MAP2K2: variants seen among roughly 807,000 people sequenced by gnomAD.
The protein encoded by MAP2K2 is dual specificity mitogen-activated protein kinase kinase 2.
Under a neutral mutation model 43.7 loss-of-function variants are expected in MAP2K2, and 24 were observed. The observed-to-expected ratio is 0.55, with a 90% CI of 0.40 to 0.77. The LOEUF is 0.77. Ranked by LOEUF, MAP2K2 falls within the 30% of genes least tolerant of loss-of-function variation. The probability of loss-of-function intolerance (pLI) is 0.00; values close to 1 mark genes in which losing one functional copy is unlikely to be tolerated. For missense variants in MAP2K2, 470 were observed against 566.8 expected (o/e 0.83, Z 1.73); for synonymous variants, 244 against 239.7 (o/e 1.02, Z -0.17).
chr19:4,095,331 G>A lies in MAP2K2; in HGVS notation c.1046+57C>T, dbSNP rs576168637. 1.7e-5 allele frequency: 25 copies of A among 1,505,224 alleles called. No individual in the cohort carries two copies. In the Admixed American group the frequency reaches 3.0e-4, roughly 18 times the overall value. The allele number at this position is 1,505,224 out of a possible 1,614,324, so 93.2% of individuals were successfully genotyped here. A position where few individuals can be genotyped will look rare whatever the true frequency, so the allele number is the denominator to read the frequency against. On this transcript the variant is annotated intron_variant, in intron 9 of 10. Transcript: ENST00000262948. Reference sequence around the variant, plus strand: ...GGCCACGGGCCCCACCCAGGACCCGGAAGGAGTGGCACATCTGGGTCCCGG... The same window carrying A: ...GGCCACGGGCCCCACCCAGGACCCGAAAGGAGTGGCACATCTGGGTCCCGG...
intron 8 of MAP2K2, among the ~76,000 whole-genome samples, chr19:4,095,910 G>A (rs1241265189): frequency 6.6e-6 from 1 of 152,216 alleles, no homozygotes; most frequent in African/African-American, 2.4e-5. Context: ...GAGTAGCTGG[G>A]ATGACAGGTG....
At chr19:4,094,919 G>A (rs1007539596) in intron 9 of MAP2K2, 3 of 370,374 alleles carry the variant, frequency 8.1e-6, no homozygotes, top group Non-Finnish European at 1.5e-5. Context: ...GACCGGCCCT[G>A]TGGGCAGCGG....
chr19:4,095,153 C>T (rs1010142039), intron 9 of MAP2K2: 2 of 530,432 alleles, frequency 3.8e-6, no homozygotes, highest in Middle Eastern at 4.9e-4. Flanking sequence ...GTCATGTGCA[C>T]AGGGCCTGCA....
At chr19:4,107,809 G>A (rs2041104045) in intron 3 of MAP2K2, among the ~76,000 whole-genome samples, 1 of 152,330 alleles carries the variant, frequency 6.6e-6, no homozygotes, top group East Asian at 1.9e-4. Flanking sequence ...GCAGCAGCCA[G>A]GACATGGATG....
At chr19:4,117,934 C>CT in intron 1 of MAP2K2, among the ~76,000 whole-genome samples, 1 of 152,024 alleles carries the variant, frequency 6.6e-6, no homozygotes, top group Non-Finnish European at 1.5e-5. Flanking sequence ...CCGTCTTTTT[C>CT]TTTTCTTTTT....
At chr19:4,109,458 A>G (rs939486943) in intron 3 of MAP2K2, among the ~76,000 whole-genome samples, 1 of 152,180 alleles carries the variant, frequency 6.6e-6, no homozygotes, top group South Asian at 2.1e-4. Flanking sequence ...TTATGTTTTG[A>G]GACAGCATCT....
In MAP2K2 at chr19:4,123,917, G is replaced by A. The variant is rs886041258; in HGVS notation, c.-42C>T. On this transcript the variant is annotated 5_prime_UTR_variant, in exon 1 of 11. Transcript: ENST00000262948. ...GGCGGCGGCGGCGCCTCTAGCCGGGGCCCATAGGGGGCGGGCCGGGAGCGG... is the reference window on the plus strand; with the variant it reads ...GGCGGCGGCGGCGCCTCTAGCCGGGACCCATAGGGGGCGGGCCGGGAGCGG... 5.7e-6 allele frequency: 7 copies of A among 1,227,652 alleles called. No individual in the cohort carries two copies. Among genetic ancestry groups the A allele is most frequent in the Non-Finnish European group, 7.3e-6 (7 of 955,472 alleles). 76.0% of individuals were successfully genotyped at this position (1,227,652 alleles called of 1,614,324 possible).
chr19:4,102,279 C>T (rs1386396697), intron 4 of MAP2K2, 97 bp downstream of exon 4: 5 of 1,070,128 alleles, frequency 4.7e-6, no homozygotes, highest in Middle Eastern at 2.0e-4. Flanking sequence ...CACCCTAACC[C>T]CCACCACACT....
At chr19:4,102,935 G>A (rs1375617043) in intron 3 of MAP2K2, 17 of 1,119,918 alleles carry the variant, frequency 1.5e-5, no homozygotes, top group Non-Finnish European at 1.8e-5. Context: ...AGGAGACGCG[G>A]GTGCTGCCCC....
chr19:4,090,675 C>G lies in MAP2K2; in HGVS notation c.1126G>C (p.Glu376Gln). Residue 376 changes from glutamate (E) to glutamine (Q), a missense_variant, in exon 11 of 11, where the codon GAA (glutamate) becomes CAA (glutamine). Transcript: ENST00000262948. ...HTFIKRSEVEEVDFAGWLCKT... is the reference protein window; with the variant it reads ...HTFIKRSEVEQVDFAGWLCKT... Reference sequence around the variant, plus strand: ...CACAACCAGCCGGCAAAATCCACTTCTTCCACCTCGGACCGCTTGATGAAG... The same window carrying G: ...CACAACCAGCCGGCAAAATCCACTTGTTCCACCTCGGACCGCTTGATGAAG... 1 of 1,559,836 alleles carries G rather than the reference C, an allele frequency of 6.4e-7. No homozygotes were observed. The highest frequency in any genetic ancestry group is 2.4e-5 in the East Asian group (1 of 41,748).
rs544242665 is a variant in MAP2K2, at chr19:4,110,633, G to A, written c.326C>T (p.Pro109Leu). The change falls in exon 3 of 11, where the codon CCG becomes CTG. Residue 109 changes from proline to leucine, a missense_variant. By Grantham distance (98) the Pro-to-Leu change is moderately conservative. This residue lies in a region of MAP2K2 where 200 missense variants were observed against 297.9 expected (regional missense o/e 0.67). Coordinates refer to ENST00000262948, the MANE Select transcript of MAP2K2 (RefSeq NM_030662.4). ...GCGGATGATCTGGTTCCGGATGGCCGGCTTGATCTCAAGGTGGATCAGCTG... is the reference window on the plus strand; with the variant it reads ...GCGGATGATCTGGTTCCGGATGGCCAGCTTGATCTCAAGGTGGATCAGCTG... ...ARKLIHLEIK[P>L]AIRNQIIREL... 16 of 1,613,436 alleles carry A rather than the reference G, an allele frequency of 9.9e-6. No homozygotes were observed. The highest frequency in any genetic ancestry group is 1.7e-4 in the Middle Eastern group (1 of 6,060).
chr19:4,121,283 C>T (rs2145085634), intron 1 of MAP2K2, among the ~76,000 whole-genome samples: 1 of 152,040 alleles, frequency 6.6e-6, no homozygotes, highest in African/African-American at 2.4e-5. Flanking sequence ...GTCAGCCCCT[C>T]ACAAGGGTTT....
chr19:4,111,975 AAACAACAAC>A (rs141206687), intron 2 of MAP2K2, among the ~76,000 whole-genome samples: 4 of 150,782 alleles, frequency 2.7e-5, no homozygotes, highest in Non-Finnish European at 5.9e-5. Context: ...CAAAAAAACA[AAACAACAAC>A]AACAACAACA....
At chr19:4,090,940 G>C (rs1004165439) in intron 10 of MAP2K2, among the ~76,000 whole-genome samples, 1 of 152,186 alleles carries the variant, frequency 6.6e-6, no homozygotes, top group Non-Finnish European at 1.5e-5. Flanking sequence ...ACTCCACCTG[G>C]GGCGGGGACA....
Position 4,095,661 on chromosome 19 carries a change from G to A in MAP2K2, c.985-212C>T, listed in dbSNP as rs2040908542. On this transcript the variant is annotated intron_variant, in intron 8 of 10. Transcript: ENST00000262948. ...GCTGCTTAGAGGGAAAGAGTGGGGT[G>A]CGTCCCCCTTTTATCAACAGGACAA... 2.0e-5 allele frequency among the ~76,000 whole-genome samples: 3 copies of A among 151,888 alleles called. No individual in the cohort carries two copies. In the South Asian group the frequency reaches 6.2e-4, roughly 32 times the overall value.
At chr19:4,097,153 C>T in intron 8 of MAP2K2, 126 bp downstream of exon 8, 1 of 708,148 alleles carries the variant, frequency 1.4e-6, no homozygotes, top group Non-Finnish European at 2.3e-6. Context: ...GAGAAGGCAC[C>T]ACTGTACTCC....
intron 2 of MAP2K2, 34 bp from the exon 3 acceptor site, chr19:4,110,689 G>A (rs757322185): frequency 6.2e-7 from 1 of 1,600,320 alleles, no homozygotes; most frequent in South Asian, 1.1e-5. Context: ...TGGCTTGGGG[G>A]GTGCCCGAAA....
At position 4,117,311 on chromosome 19, in the gene MAP2K2, C is replaced by T. The variant is rs1599306878; in HGVS notation, c.303+108G>A. On this transcript the variant is annotated intron_variant, in intron 2 of 10. Transcript: ENST00000262948. ...CCCTGGTGGGGATGAGGGACAGAGCCTGGAGCTAATCAGAATGCAGAGACC... is the reference window on the plus strand; with the variant it reads ...CCCTGGTGGGGATGAGGGACAGAGCTTGGAGCTAATCAGAATGCAGAGACC... The T allele has an allele frequency of 6.6e-6, 7 of 1,065,816 alleles. No homozygotes were observed. The East Asian group carries it at 1.8e-4, about 27-fold the overall frequency. The allele number at this position is 1,065,816 out of a possible 1,614,324, so 66.0% of individuals were successfully genotyped here.
chr19:4,102,902 G>T, intron 3 of MAP2K2: 4 of 1,153,968 alleles, frequency 3.5e-6, no homozygotes, highest in Non-Finnish European at 4.3e-6. Flanking sequence ...GCACACGAAG[G>T]GAAGGGGAGG....
Sources: allele counts gnomAD v4.1 joint callset (sites outside exome capture counted in the v4.1 genomes callset), GRCh38; gene constraint gnomAD v4.1.1; regional missense constraint gnomAD v4.1.1; transcripts MANE v1.5; gene names NCBI Gene and HGNC (gene_info 2026-07-23, HGNC 2026-07-21).